The following SIPA1L2 variants were observed in gnomAD, a reference collection of about 807,000 sequenced individuals.
SIPA1L2 encodes the protein signal-induced proliferation-associated 1-like protein 2.
SIPA1L2 carries 56 observed loss-of-function variants against 163.9 expected under a neutral mutation model. The ratio of observed to expected loss-of-function variants is 0.34; its 90% CI spans 0.28 to 0.43. SIPA1L2 has a LOEUF of 0.43. SIPA1L2 is among the 20% of genes least tolerant of loss of function. The pLI, the probability that SIPA1L2 is intolerant of heterozygous loss-of-function variation, is 1.00. For missense variants in SIPA1L2, 1,974 were observed against 2,193.5 expected (o/e 0.90, Z 2.00); for synonymous variants, 877 against 865.7 (o/e 1.01, Z -0.23).
At chr1:232,409,791 G>C (rs774663695) in intron 19 of SIPA1L2, among the ~76,000 whole-genome samples, 2 of 152,126 alleles carry the variant, frequency 1.3e-5, no homozygotes, top group Admixed American at 6.6e-5. Context: ...ACATGGAGCA[G>C]AAGAACCACC....
Position 232,399,074 on chromosome 1 carries a change from T to C in SIPA1L2, c.*53A>G. On this transcript the variant is annotated 3_prime_UTR_variant, in exon 23 of 23. Coordinates refer to ENST00000674635, the MANE Select transcript of SIPA1L2 (RefSeq NM_020808.5). ...CACAGAAAAACCACATGTTTGTGAC[T>C]TCAAAGGGACAAGGGGCATTTCCCA... The C allele has an allele frequency of 6.2e-7, 1 of 1,610,682 alleles. No homozygotes were observed. Among genetic ancestry groups the C allele is most frequent in the Non-Finnish European group, 8.5e-7 (1 of 1,177,894 alleles).
At chr1:232,430,026 G>C (rs1558169352) in intron 16 of SIPA1L2, among the ~76,000 whole-genome samples, 1 of 152,192 alleles carries the variant, frequency 6.6e-6, no homozygotes, top group Non-Finnish European at 1.5e-5. Context: ...TGCTAAACTA[G>C]TAATTTAAAG....
At chr1:232,426,783 G>A (rs948303047) in intron 17 of SIPA1L2, among the ~76,000 whole-genome samples, 12 of 152,282 alleles carry the variant, frequency 7.9e-5, no homozygotes, top group African/African-American at 2.9e-4. Flanking sequence ...TACAGATAGG[G>A]TAAGGAAAAT....
intron 2 of SIPA1L2, among the ~76,000 whole-genome samples, chr1:232,534,738 G>C (rs2103092058): frequency 6.6e-6 from 1 of 152,278 alleles, no homozygotes; most frequent in South Asian, 2.1e-4. Flanking sequence ...GGGTCTTGCT[G>C]ACTCTAGCAA....
At chr1:232,550,980 T>A (rs1658346070) in intron 2 of SIPA1L2, among the ~76,000 whole-genome samples, 1 of 151,880 alleles carries the variant, frequency 6.6e-6, no homozygotes, top group Non-Finnish European at 1.5e-5. Flanking sequence ...AGGAGACAGG[T>A]AAAGACCAAC....
chr1:232,406,129 G>C (rs1196475470), intron 19 of SIPA1L2, among the ~76,000 whole-genome samples: 1 of 152,214 alleles, frequency 6.6e-6, no homozygotes, highest in Non-Finnish European at 1.5e-5. Flanking sequence ...TAATCTTAGA[G>C]ACAGTTTCCA....
chr1:232,419,553 T>C (rs1661446134), intron 18 of SIPA1L2, among the ~76,000 whole-genome samples: 1 of 152,028 alleles, frequency 6.6e-6, no homozygotes, highest in African/African-American at 2.4e-5. Flanking sequence ...TGAGAGTGAG[T>C]TCTCGTGAGA....
chr1:232,581,228 G>A (rs1660353933), intron 1 of SIPA1L2, among the ~76,000 whole-genome samples: 1 of 152,104 alleles, frequency 6.6e-6, no homozygotes, highest in South Asian at 2.1e-4. Flanking sequence ...GAGCTGCTCT[G>A]GGCACACCAT....
intron 6 of SIPA1L2, among the ~76,000 whole-genome samples, chr1:232,481,320 C>A (rs1377941951): frequency 6.6e-6 from 1 of 152,056 alleles, no homozygotes; most frequent in Non-Finnish European, 1.5e-5. Context: ...ATGACAAAAC[C>A]AAAGGCTGGA....
chr1:232,567,100 G>C (rs923812058), intron 2 of SIPA1L2, among the ~76,000 whole-genome samples: 33 of 152,288 alleles, frequency 2.2e-4, no homozygotes, highest in African/African-American at 7.9e-4. Flanking sequence ...CTGCCACAGA[G>C]ATCTGGTAGT....
At chr1:232,598,554 T>C (rs1335598692) in intron 1 of SIPA1L2, among the ~76,000 whole-genome samples, 2 of 152,184 alleles carry the variant, frequency 1.3e-5, no homozygotes, top group African/African-American at 4.8e-5. Context: ...TAGCACAAGC[T>C]GGGTAGCTTA....
intron 3 of SIPA1L2, among the ~76,000 whole-genome samples, chr1:232,509,098 A>G (rs1329063158): frequency 7.9e-5 from 12 of 152,260 alleles, no homozygotes; most frequent in Non-Finnish European, 1.5e-5. Flanking sequence ...TCTTCAAGAA[A>G]AAAGAAAAGC....
intron 3 of SIPA1L2, among the ~76,000 whole-genome samples, chr1:232,513,016 A>G (rs147834421): frequency 1.5e-4 from 23 of 152,294 alleles, no homozygotes; most frequent in African/African-American, 4.3e-4. Context: ...CTGAAAAGTA[A>G]GCTGCACTAT....
chr1:232,534,868 T>C (rs1279800814), intron 2 of SIPA1L2, among the ~76,000 whole-genome samples: 5 of 152,214 alleles, frequency 3.3e-5, no homozygotes, highest in African/African-American at 9.6e-5. Context: ...CTTCACAATT[T>C]CAAGCACTTC....
chr1:232,462,484 G>T, intron 9 of SIPA1L2: 1 of 904,508 alleles, frequency 1.1e-6, no homozygotes, highest in Non-Finnish European at 1.6e-6. Flanking sequence ...GTTACCACAA[G>T]TGCACACAAT....
At chr1:232,619,520 A>G (rs1334564327) in intron 1 of SIPA1L2, among the ~76,000 whole-genome samples, 1 of 152,232 alleles carries the variant, frequency 6.6e-6, no homozygotes, top group Non-Finnish European at 1.5e-5. Flanking sequence ...GATAGTTCTG[A>G]ATCAGTAACA....
At chr1:232,519,373 T>A (rs1667357295) in intron 2 of SIPA1L2, among the ~76,000 whole-genome samples, 1 of 152,186 alleles carries the variant, frequency 6.6e-6, no homozygotes, top group Non-Finnish European at 1.5e-5. Flanking sequence ...AGCTCCATTT[T>A]CTGTAGGTGG....
At chr1:232,497,144 T>C (rs1249346949) in intron 3 of SIPA1L2, among the ~76,000 whole-genome samples, 3 of 152,152 alleles carry the variant, frequency 2.0e-5, no homozygotes, top group African/African-American at 4.8e-5. Context: ...AACAGAGCCA[T>C]GGCTGCCAGG....
chr1:232,511,194 C>T (rs1160012706), intron 3 of SIPA1L2, among the ~76,000 whole-genome samples: 1 of 152,120 alleles, frequency 6.6e-6, no homozygotes, highest in Non-Finnish European at 1.5e-5. Flanking sequence ...GACAAAAAAG[C>T]AGGTCCAGGA....
Sources: gnomAD v4.1 joint callset for allele counts (sites outside exome capture counted in the v4.1 genomes callset) on GRCh38, gnomAD v4.1.1 for gene constraint, MANE v1.5 for transcripts, NCBI Gene and HGNC (gene_info 2026-07-23, HGNC 2026-07-21) for gene names.